SDCCAG8: variants seen among roughly 807,000 people sequenced by gnomAD.
The protein encoded by SDCCAG8 is SHH signaling and ciliogenesis regulator SDCCAG8, also known as serologically defined colon cancer antigen 8.
In SDCCAG8, 74 loss-of-function variants were observed where a neutral mutation model predicts 101.8. The observed-to-expected ratio is 0.73, with a 90% CI of 0.60 to 0.88. SDCCAG8 has a LOEUF of 0.88. Among genes scored for constraint, SDCCAG8 ranks in the 40% least tolerant of loss-of-function variants. SDCCAG8 has a pLI of 0.00. For missense variants in SDCCAG8, 787 were observed against 822.6 expected (o/e 0.96, Z 0.53); for synonymous variants, 281 against 292.9 (o/e 0.96, Z 0.41).
chr1:243,445,529 T>C (rs763869337), intron 16 of SDCCAG8, among the ~76,000 whole-genome samples: 5 of 152,198 alleles, frequency 3.3e-5, no homozygotes, highest in Non-Finnish European at 5.9e-5. Context: ...GACCAGAAGT[T>C]GGATGGTTAA....
intron 1 of SDCCAG8, among the ~76,000 whole-genome samples, chr1:243,263,608 C>T (rs576438413): frequency 2.0e-5 from 3 of 152,326 alleles, no homozygotes; most frequent in South Asian, 4.1e-4. Context: ...TAGCCAATCT[C>T]CTGGATTTGC....
chr1:243,317,888 A>G (rs1021254304), intron 9 of SDCCAG8: 3 of 334,958 alleles, frequency 9.0e-6, no homozygotes, highest in Non-Finnish European at 1.8e-5. Context: ...TTTCATTATC[A>G]TGAAAAGTTT....
intron 13 of SDCCAG8, among the ~76,000 whole-genome samples, chr1:243,389,557 C>T (rs146557994): frequency 1.6e-4 from 24 of 152,204 alleles, no homozygotes; most frequent in Non-Finnish European, 2.6e-4. Flanking sequence ...AATTTTCAAG[C>T]GCATGATCAA....
chr1:243,393,603 C>G (rs1448182730), intron 13 of SDCCAG8, among the ~76,000 whole-genome samples: 1 of 152,058 alleles, frequency 6.6e-6, no homozygotes, highest in Non-Finnish European at 1.5e-5. Context: ...TGAATTTGTC[C>G]TGTGAGTTTT....
chr1:243,350,710 A>G (rs996444868), intron 12 of SDCCAG8, among the ~76,000 whole-genome samples: 1 of 152,240 alleles, frequency 6.6e-6, no homozygotes, highest in Non-Finnish European at 1.5e-5. Context: ...GGATTTAACT[A>G]CAGCAACTAC....
intron 16 of SDCCAG8, among the ~76,000 whole-genome samples, chr1:243,450,938 C>T (rs572757210): frequency 3.3e-5 from 5 of 152,288 alleles, no homozygotes; most frequent in South Asian, 2.1e-4. Context: ...GGATTACAGG[C>T]GTTAGGATTA....
chr1:243,498,079 C>T (rs974794574), intron 17 of SDCCAG8, among the ~76,000 whole-genome samples: 5 of 152,186 alleles, frequency 3.3e-5, no homozygotes. Context: ...GTGTCAAGAG[C>T]GAGGCCACCA....
intron 12 of SDCCAG8, among the ~76,000 whole-genome samples, chr1:243,349,024 C>G (rs1327183338): frequency 6.7e-6 from 1 of 148,984 alleles, no homozygotes; most frequent in Admixed American, 6.7e-5. Flanking sequence ...AAAAAAAAAA[C>G]ACAATTCTAA....
At chr1:243,306,039 T>TG (rs2072069034) in intron 7 of SDCCAG8, 1 of 133,698 alleles carries the variant, frequency 7.5e-6, no homozygotes, top group Non-Finnish European at 1.5e-5. Context: ...TGAGCCAAGA[T>TG]CATGCCACTG....
chr1:243,259,817 A>G (rs1156829132), intron 1 of SDCCAG8, among the ~76,000 whole-genome samples: 1 of 152,144 alleles, frequency 6.6e-6, no homozygotes, highest in Non-Finnish European at 1.5e-5. Flanking sequence ...CCTGGGTAAC[A>G]AGAGTGAAAT....
At chr1:243,296,594 G>A (rs1020142765) in intron 6 of SDCCAG8, among the ~76,000 whole-genome samples, 1 of 136,232 alleles carries the variant, frequency 7.3e-6, no homozygotes, top group Non-Finnish European at 1.5e-5. Flanking sequence ...CCAGGCGGGA[G>A]TGCTGTGGCG....
rs1292068757 is a variant in SDCCAG8 at position 243,492,996 on chromosome 1, C to G, written c.2112+3856C>G. Among the ~76,000 whole-genome samples the G allele has an allele frequency of 3.3e-5, 5 of 152,230 alleles. No individual in the cohort carries two copies. The South Asian group carries it at 1.0e-3, about 32-fold the overall frequency. On this transcript the variant is annotated intron_variant, in intron 17 of 17. Transcript: ENST00000366541. ...TTCGGAAACAACTTCAAGAAAATAG[C>G]TTTTAAATGTCATGAAATGGCTCTT...
intron 12 of SDCCAG8, among the ~76,000 whole-genome samples, chr1:243,349,961 T>G (rs769590691): frequency 9.2e-5 from 14 of 152,106 alleles, no homozygotes; most frequent in Admixed American, 3.9e-4. Flanking sequence ...GGGGTATCTC[T>G]GCAAAAGAAA....
intron 17 of SDCCAG8, 55 bp downstream of exon 17, chr1:243,489,195 G>T: frequency 6.3e-7 from 1 of 1,595,322 alleles, no homozygotes; most frequent in Non-Finnish European, 8.5e-7. Flanking sequence ...TCTACAGGTG[G>T]ATCTTTTATG....
intron 9 of SDCCAG8, among the ~76,000 whole-genome samples, chr1:243,328,198 G>A (rs1054680913): frequency 9.2e-5 from 14 of 151,550 alleles, no homozygotes; most frequent in African/African-American, 1.5e-4. Context: ...CACTGTGCCC[G>A]GCCTTAGAAG....
At chr1:243,282,224 G>T (rs1303664388) in intron 4 of SDCCAG8, among the ~76,000 whole-genome samples, 3 of 151,016 alleles carry the variant, frequency 2.0e-5, no homozygotes, top group Non-Finnish European at 4.4e-5. Context: ...TTCTTTGCTG[G>T]TAGCCGTTGA....
chr1:243,448,653 T>G (rs2083116669), intron 16 of SDCCAG8, among the ~76,000 whole-genome samples: 1 of 152,188 alleles, frequency 6.6e-6, no homozygotes, highest in African/African-American at 2.4e-5. Flanking sequence ...TTAATGCCAC[T>G]CTCTGTGTTA....
intron 16 of SDCCAG8, among the ~76,000 whole-genome samples, chr1:243,480,849 T>G (rs868171295): frequency 3.8e-3 from 91 of 24,048 alleles, no homozygotes; most frequent in South Asian, 5.4e-3. Context: ...ATGGGTGGGG[T>G]GGATGGATGG....
intron 16 of SDCCAG8, among the ~76,000 whole-genome samples, chr1:243,439,182 C>T (rs748108033): frequency 6.6e-6 from 1 of 152,038 alleles, no homozygotes; most frequent in Non-Finnish European, 1.5e-5. Flanking sequence ...GAGACAGGGT[C>T]TCACTCTGTC....
Sources: allele counts gnomAD v4.1 joint callset (sites outside exome capture counted in the v4.1 genomes callset), GRCh38; gene constraint gnomAD v4.1.1; transcripts MANE v1.5; gene names NCBI Gene and HGNC (gene_info 2026-07-23, HGNC 2026-07-21).